The following SPINK5 variants were observed in gnomAD, a reference collection of about 807,000 sequenced individuals.
SPINK5 encodes the protein serine protease inhibitor Kazal-type 5.
In SPINK5, 125 loss-of-function variants were observed where a neutral mutation model predicts 151.8. That is an observed-to-expected ratio of 0.82 (90% confidence interval 0.71 to 0.96). The LOEUF (loss-of-function observed/expected upper bound fraction) is 0.96, where lower values mean the gene tolerates loss of function less well. Among genes scored for constraint, SPINK5 ranks in the 40% least tolerant of loss-of-function variants. SPINK5 has a pLI of 0.00. For synonymous variants in SPINK5, 374 were observed against 395.3 expected (o/e 0.95, Z 0.64); for missense variants, 1,194 against 1,291.9 (o/e 0.92, Z 1.16).
chr5:148,122,816 A>G (rs888981478), intron 26 of SPINK5, among the ~76,000 whole-genome samples: 9 of 151,632 alleles, frequency 5.9e-5, no homozygotes, highest in South Asian at 2.1e-4. Context: ...GATTTTTACA[A>G]CCACTAAAGG....
intron 19 of SPINK5, among the ~76,000 whole-genome samples, chr5:148,112,139 A>C (rs1753950928): frequency 6.6e-6 from 1 of 152,208 alleles, no homozygotes; most frequent in African/African-American, 2.4e-5. Context: ...GCAAAATTAC[A>C]CTGGAGTTAA....
At chr5:148,111,003 A>G (rs1753911308) in intron 18 of SPINK5, among the ~76,000 whole-genome samples, 1 of 152,110 alleles carries the variant, frequency 6.6e-6, no homozygotes, top group Non-Finnish European at 1.5e-5. Flanking sequence ...AAAAACAATG[A>G]AAACAACAAC....
intron 2 of SPINK5, 103 bp from the exon 3 acceptor site, chr5:148,070,220 T>C (rs963368493): frequency 1.5e-6 from 2 of 1,361,792 alleles, no homozygotes; most frequent in East Asian, 2.6e-5. Flanking sequence ...GAATTGTGTG[T>C]GTATATATAT....
intron 24 of SPINK5, 101 bp from the exon 25 acceptor site, chr5:148,119,908 A>G: frequency 7.3e-7 from 1 of 1,377,844 alleles, no homozygotes; most frequent in Non-Finnish European, 1.0e-6. Flanking sequence ...CAGCAAGGTT[A>G]CATGGCTGCC....
rs1753951121 is a variant in SPINK5, at chr5:148,112,145, G to A, written c.1820+250G>A. On this transcript the variant is annotated intron_variant, in intron 19 of 32. Transcript: ENST00000256084. ...GTGCTAAGAGCAAAATTACACTGGA[G>A]TTAATGGCATAAAAGGATTAGGACT... is the stretch of plus-strand genomic sequence containing the variant. Among the ~76,000 whole-genome samples the A allele has an allele frequency of 2.0e-5, 3 of 152,196 alleles. No homozygotes were observed. In the South Asian group the frequency reaches 6.2e-4, roughly 32 times the overall value.
chr5:148,105,642 G>A (rs1753761261), intron 16 of SPINK5, among the ~76,000 whole-genome samples: 1 of 151,840 alleles, frequency 6.6e-6, no homozygotes, highest in South Asian at 2.1e-4. Flanking sequence ...TTGAGATGGA[G>A]TCTCGCTCTG....
intron 10 of SPINK5, among the ~76,000 whole-genome samples, chr5:148,097,039 C>T (rs540220717): frequency 6.7e-6 from 1 of 149,970 alleles, no homozygotes; most frequent in African/African-American, 2.4e-5. Flanking sequence ...AATTTTTCTC[C>T]TTCCTTCCCT....
intron 31 of SPINK5, 122 bp from the exon 32 acceptor site, chr5:148,133,675 A>G: frequency 1.1e-6 from 1 of 875,456 alleles, no homozygotes; most frequent in Non-Finnish European, 1.9e-6. Context: ...TGCAGATCCC[A>G]GATCCTCCCT....
intron 2 of SPINK5, among the ~76,000 whole-genome samples, chr5:148,066,079 C>T (rs1001051726): frequency 1.3e-5 from 2 of 152,028 alleles, no homozygotes; most frequent in African/African-American, 4.8e-5. Flanking sequence ...TCTGGACAGA[C>T]AGTATTAGAA....
chr5:148,104,602 A>G (rs1753730297), intron 15 of SPINK5, among the ~76,000 whole-genome samples: 1 of 152,180 alleles, frequency 6.6e-6, no homozygotes, highest in South Asian at 2.1e-4. Flanking sequence ...TACTATATTA[A>G]GATCCATTTC....
At chr5:148,111,159 C>T (rs1753915168) in intron 18 of SPINK5, among the ~76,000 whole-genome samples, 2 of 151,396 alleles carry the variant, frequency 1.3e-5, no homozygotes, top group African/African-American at 2.4e-5. Flanking sequence ...ATCTAGAGGC[C>T]GTCCATGTTC....
intron 4 of SPINK5, among the ~76,000 whole-genome samples, chr5:148,076,840 A>G (rs2113017832): frequency 6.6e-6 from 1 of 151,780 alleles, no homozygotes; most frequent in Middle Eastern, 3.4e-3. Flanking sequence ...TTCAGTAGAG[A>G]GGCTCAGAAG....
intron 2 of SPINK5, among the ~76,000 whole-genome samples, chr5:148,067,771 T>C (rs1752622920): frequency 6.6e-6 from 1 of 152,128 alleles, no homozygotes; most frequent in African/African-American, 2.4e-5. Flanking sequence ...TTCTTATTGA[T>C]GCAACTCTTT....
At position 148,099,235 on chromosome 5, in the gene SPINK5, C is replaced by G. The variant is rs1394583450; in HGVS notation, c.1012C>G (p.Gln338Glu). The change falls in exon 12 of 33, where the codon CAA becomes GAA. Residue 338 changes from glutamine to glutamate, a missense_variant and splice_region_variant. By Grantham distance (29) the Gln-to-Glu change is conservative (BLOSUM62 2). Coordinates refer to ENST00000256084, the MANE Select transcript of SPINK5 (RefSeq NM_006846.4). Reference sequence around the variant, plus strand: ...TGCTTCTTTTTCCCTCTTATTCAGCCAAGCAGAAAATGAAGAAAAGAAAAA... The same window carrying G: ...TGCTTCTTTTTCCCTCTTATTCAGCGAAGCAGAAAATGAAGAAAAGAAAAA... ...NLCSMCQAYFQAENEEKKKAE... is the reference protein window; with the variant it reads ...NLCSMCQAYFEAENEEKKKAE... 6.2e-7 allele frequency: 1 copy of G among 1,608,118 alleles called. No homozygotes were observed. Among genetic ancestry groups the G allele is most frequent in the Non-Finnish European group, 8.5e-7 (1 of 1,176,958 alleles).
At position 148,118,267 on chromosome 5, in the gene SPINK5, T is replaced by C. The variant is rs141478396; in HGVS notation, c.2113-170T>C. 2.3e-3 allele frequency among the ~76,000 whole-genome samples: 350 copies of C among 152,338 alleles called. 3 individuals carry two copies. The highest frequency in any genetic ancestry group is 7.5e-3 in the African/African-American group (312 of 41,580). ...CTCCTGACCTCATGATCCACCCATC[T>C]TGGCCTCCCAAAGTGCTGGGATTAC... On this transcript the variant is annotated intron_variant, in intron 22 of 32. Transcript: ENST00000256084.
chr5:148,114,389 T>C lies in SPINK5; in HGVS notation c.1915T>C (p.Leu639=). 1.9e-6 allele frequency: 3 copies of C among 1,613,394 alleles called. No individual in the cohort carries two copies. Among genetic ancestry groups the C allele is most frequent in the Non-Finnish European group, 2.5e-6 (3 of 1,179,532 alleles). Residue 639 remains leucine (L), a synonymous_variant, in exon 21 of 33, where the codon TTG becomes CTG. Transcript: ENST00000256084. ...GACATGCGATGAATTTCGGAGACTT[T>C]TGCAAAATGGAAAACTTTTCTGCAC... ...KETCDEFRRL[L]QNGKLFCTRE...
rs939472014 is a variant in SPINK5 at position 148,123,898 on chromosome 5, C to T, written c.2604C>T (p.Asn868=). ...AGCTTATCTGCACCAGAGAAAATAACCCTGTTCGAGGCCCATATGGCAAGA... is the reference window on the plus strand; with the variant it reads ...AGCTTATCTGCACCAGAGAAAATAATCCTGTTCGAGGCCCATATGGCAAGA... ...NGKLICTREN[N]PVRGPYGKMH... Residue 868 remains asparagine (N), a synonymous_variant, in exon 27 of 33, where the codon AAC becomes AAT. Coordinates refer to ENST00000256084, the MANE Select transcript of SPINK5 (RefSeq NM_006846.4). 6.2e-7 allele frequency: 1 copy of T among 1,613,984 alleles called. No homozygotes were observed. The highest frequency in any genetic ancestry group is 8.5e-7 in the Non-Finnish European group (1 of 1,179,998).
At chr5:148,117,228 C>T (rs1246152776) in intron 22 of SPINK5, among the ~76,000 whole-genome samples, 1 of 152,114 alleles carries the variant, frequency 6.6e-6, no homozygotes, top group African/African-American at 2.4e-5. Context: ...TTTTTCCCAT[C>T]TTTTTTGCTT....
At chr5:148,065,264 G>C (rs1019589353) in intron 1 of SPINK5, 83 bp from the exon 2 acceptor site, 1 of 1,425,188 alleles carries the variant, frequency 7.0e-7, no homozygotes, top group African/African-American at 1.4e-5. Flanking sequence ...AAGCAATCAA[G>C]ATGCTGCATT....
Sources: allele counts gnomAD v4.1 joint callset (sites outside exome capture counted in the v4.1 genomes callset), GRCh38; gene constraint gnomAD v4.1.1; transcripts MANE v1.5; gene names NCBI Gene and HGNC (gene_info 2026-07-23, HGNC 2026-07-21).